STAU1: variants seen among roughly 807,000 people sequenced by gnomAD.
The protein encoded by STAU1 is double-stranded RNA-binding protein Staufen homolog 1.
In STAU1, 13 loss-of-function variants were observed where a neutral mutation model predicts 62.9. The observed-to-expected ratio is 0.21, with a 90% CI of 0.13 to 0.33. STAU1 has a LOEUF of 0.33. Ranked by LOEUF, STAU1 falls within the 10% of genes least tolerant of loss-of-function variation. STAU1 has a pLI of 1.00. For missense variants in STAU1, 571 were observed against 712.1 expected, an observed-to-expected ratio of 0.80 and a Z score of 2.25; for synonymous variants, 269 against 265.1, an observed-to-expected ratio of 1.01 and a Z score of -0.14.
chr20:49,187,784 C>A (rs1019488977), intron 1 of STAU1, among the ~76,000 whole-genome samples: 1 of 150,726 alleles, frequency 6.6e-6, no homozygotes, highest in East Asian at 2.0e-4. Context: ...CCCCCCCCCC[C>A]CCCCGCCTGC....
At chr20:49,136,976 G>C (rs560955627) in intron 5 of STAU1, among the ~76,000 whole-genome samples, 1 of 152,300 alleles carries the variant, frequency 6.6e-6, no homozygotes, top group African/African-American at 2.4e-5. Flanking sequence ...ATTAAGGCGT[G>C]AGCCACCACG....
At chr20:49,149,138 C>A (rs1475750417) in intron 5 of STAU1, among the ~76,000 whole-genome samples, 2 of 152,214 alleles carry the variant, frequency 1.3e-5, no homozygotes, top group African/African-American at 4.8e-5. Context: ...GTAGTCCCAG[C>A]TACTCAGGAA....
At chr20:49,216,584 T>C in the STAU1 span, among the ~76,000 whole-genome samples, 5 of 152,090 alleles carry the variant, frequency 3.3e-5, no homozygotes, top group African/African-American at 4.8e-5. Flanking sequence ...AAAAATGAAT[T>C]GAGGGGAGAA....
Position 49,118,099 on chromosome 20 carries a change from G to C in STAU1, c.1190-3C>G. On this transcript the variant is annotated splice_polypyrimidine_tract_variant and splice_region_variant and intron_variant, in intron 10 of 13. Transcript: ENST00000371856. ...CCTGAACTCATCCTCTTTATTACCTGGGAGGGACATACACGGTAAACACGA... is the reference window on the plus strand; with the variant it reads ...CCTGAACTCATCCTCTTTATTACCTCGGAGGGACATACACGGTAAACACGA... 1 of 1,612,430 alleles carries C rather than the reference G, an allele frequency of 6.2e-7. No homozygotes were observed. The highest frequency in any genetic ancestry group is 8.5e-7 in the Non-Finnish European group (1 of 1,178,816).
chr20:49,123,253 C>A lies in STAU1; in HGVS notation c.823-18G>T, dbSNP rs2092509733. The A allele has an allele frequency of 6.8e-6, 11 of 1,614,100 alleles. No homozygotes were observed. In the East Asian group the frequency reaches 2.2e-4, roughly 33 times the overall value. On this transcript the variant is annotated intron_variant, in intron 7 of 13. Coordinates refer to ENST00000371856, the MANE Select transcript of STAU1 (RefSeq NM_017453.4). ...GTCTGTGGCTGAGGAACAAACAAGGCAGAAACTCTGTAATGTTATTCACCG... is the reference window on the plus strand; with the variant it reads ...GTCTGTGGCTGAGGAACAAACAAGGAAGAAACTCTGTAATGTTATTCACCG...
chr20:49,134,736 A>C (rs2092835920), intron 6 of STAU1: 2 of 1,117,920 alleles, frequency 1.8e-6, no homozygotes, highest in African/African-American at 3.1e-5. Flanking sequence ...CAAAAGTGCA[A>C]TTCCAAAAGT....
At chr20:49,130,187 G>A (rs2092721572) in intron 6 of STAU1, among the ~76,000 whole-genome samples, 1 of 152,070 alleles carries the variant, frequency 6.6e-6, no homozygotes, top group Non-Finnish European at 1.5e-5. Context: ...ATGACTCCAA[G>A]CTAAGTTAAA....
At chr20:49,206,085 GC>G in the STAU1 span, among the ~76,000 whole-genome samples, 1 of 149,400 alleles carries the variant, frequency 6.7e-6, no homozygotes, top group Admixed American at 6.8e-5. Context: ...CTGGGTTCAA[GC>G]GATTCTCTGC....
At chr20:49,153,710 C>CAAAAAA (rs145558067) in intron 4 of STAU1, among the ~76,000 whole-genome samples, 162 of 67,546 alleles carry the variant, frequency 2.4e-3, no homozygotes, top group African/African-American at 4.0e-3. Flanking sequence ...GACTCTGTCT[C>CAAAAAA]AAAAAAAAAA....
the STAU1 span, among the ~76,000 whole-genome samples, chr20:49,213,042 G>A: frequency 6.6e-6 from 1 of 152,070 alleles, no homozygotes; most frequent in Non-Finnish European, 1.5e-5. Flanking sequence ...GTCTCGCTCT[G>A]TCATCCAGGC....
intron 7 of STAU1, among the ~76,000 whole-genome samples, chr20:49,123,811 T>G (rs142593570): frequency 6.6e-6 from 1 of 152,176 alleles, no homozygotes; most frequent in African/African-American, 2.4e-5. Flanking sequence ...TAAGAAAAAT[T>G]TGGATCTTGA....
At chr20:49,115,664 G>A in intron 13 of STAU1, 118 bp downstream of exon 13, 2 of 894,858 alleles carry the variant, frequency 2.2e-6, no homozygotes, top group Admixed American at 1.9e-5. Context: ...CAGGCAAAAG[G>A]GCCAGAAAGT....
At chr20:49,192,022 G>A (rs1333869117), upstream of STAU1, among the ~76,000 whole-genome samples, 1 of 151,876 alleles carries the variant, frequency 6.6e-6, no homozygotes, top group Admixed American at 6.6e-5. Context: ...CTGTATTCCA[G>A]CCTAGGCAAG....
intron 3 of STAU1, chr20:49,159,080 G>GC (rs1438265794): frequency 1.6e-6 from 2 of 1,252,092 alleles, no homozygotes; most frequent in African/African-American, 3.2e-5. Flanking sequence ...GCAGAAGCCT[G>GC]CAACGCAGTA....
chr20:49,173,880 T>C (rs1410726388), intron 2 of STAU1, among the ~76,000 whole-genome samples: 1 of 152,204 alleles, frequency 6.6e-6, no homozygotes, highest in East Asian at 1.9e-4. Flanking sequence ...AAAGGGTTTT[T>C]TTAAAAAAAG....
At chr20:49,128,503 C>A (rs1313901949) in intron 6 of STAU1, among the ~76,000 whole-genome samples, 1 of 152,078 alleles carries the variant, frequency 6.6e-6, no homozygotes, top group East Asian at 1.9e-4. Flanking sequence ...AAGACCATTT[C>A]TATTAGAAAT....
the STAU1 span, among the ~76,000 whole-genome samples, chr20:49,216,309 T>C: frequency 6.6e-6 from 1 of 151,996 alleles, no homozygotes; most frequent in Non-Finnish European, 1.5e-5. Context: ...GCAGATCCCT[T>C]GAGGTCAGGA....
intron 3 of STAU1, among the ~76,000 whole-genome samples, chr20:49,165,204 C>T (rs1381737961): frequency 6.6e-6 from 1 of 152,028 alleles, no homozygotes. Context: ...ACCACCATGC[C>T]CAGCTATTTT....
intron 1 of STAU1, among the ~76,000 whole-genome samples, chr20:49,187,270 T>C (rs1012395263): frequency 6.6e-6 from 1 of 152,176 alleles, no homozygotes; most frequent in Admixed American, 6.5e-5. Context: ...GTGAATATCC[T>C]GCAGTTGCCT....
Sources: allele counts gnomAD v4.1 joint callset (sites outside exome capture counted in the v4.1 genomes callset), GRCh38; gene constraint gnomAD v4.1.1; transcripts MANE v1.5; gene names NCBI Gene and HGNC (gene_info 2026-07-23, HGNC 2026-07-21).